Variants in MIDN observed in about 807,000 individuals in gnomAD.
MIDN encodes the protein midbrain nucleolar protein.
Under a neutral mutation model 46.1 loss-of-function variants are expected in MIDN, and 26 were observed. That is an observed-to-expected ratio of 0.56 (90% CI 0.41 to 0.78). The LOEUF (loss-of-function observed/expected upper bound fraction) is 0.78, where lower values mean the gene tolerates loss of function less well. MIDN is among the 30% of genes least tolerant of loss of function. The probability of loss-of-function intolerance (pLI) is 0.00; values close to 1 mark genes in which losing one functional copy is unlikely to be tolerated. For synonymous variants in MIDN, 432 were observed against 343.3 expected, an observed-to-expected ratio of 1.26 and a Z score of -2.86; for missense variants, 850 against 771.8, an observed-to-expected ratio of 1.10 and a Z score of -1.20.
chr19:1,251,316 G>T (rs2081124620), intron 2 of MIDN: 2 of 524,250 alleles, frequency 3.8e-6, no homozygotes, highest in Admixed American at 3.8e-5. Flanking sequence ...GTGCAGAGGG[G>T]GTGCCAGAGT....
chr19:1,250,266 G>C lies in MIDN; in HGVS notation c.-31G>C, dbSNP rs530020986. 1.1e-6 allele frequency: 1 copy of C among 894,064 alleles called. No homozygotes were observed. The highest frequency in any genetic ancestry group is 1.3e-6 in the Non-Finnish European group (1 of 747,262). 55.4% of individuals were successfully genotyped at this position (894,064 alleles called of 1,614,324 possible). On this transcript the variant is annotated 5_prime_UTR_variant, in exon 2 of 9. Coordinates refer to ENST00000682408, the MANE Select transcript of MIDN (RefSeq NM_001388306.1). ...GGCGCGGCGAGGATTGGCGGCGCCC[G>C]CCGCCCCCAGCCCCCCAGCGCGCGC...
chr19:1,250,577 CCGGGCG>C, intron 2 of MIDN, 48 bp downstream of exon 2: 4 of 1,043,196 alleles, frequency 3.8e-6, no homozygotes, highest in Non-Finnish European at 4.8e-6. Flanking sequence ...GCCCCGGCCC[CCGGGCG>C]GGAACAAAGA....
rs747187886 is a variant in MIDN at position 1,257,092 on chromosome 19, G to A, written c.1356G>A (p.Arg452=). 31 of 1,612,034 alleles carry A rather than the reference G, an allele frequency of 1.9e-5. No individual in the cohort carries two copies. In the East Asian group the frequency reaches 5.1e-4, roughly 27 times the overall value. ...LQQKRLRRKA[R]RDARGPYHWS... ...AGAAACGGCTCCGTAGAAAGGCCCGGCGGGACGCGCGGGGTCCGTACCACT... is the reference window on the plus strand; with the variant it reads ...AGAAACGGCTCCGTAGAAAGGCCCGACGGGACGCGCGGGGTCCGTACCACT... Residue 452 remains arginine, a synonymous_variant, in exon 9 of 9, where the codon CGG becomes CGA. Transcript: ENST00000682408.
At position 1,254,804 on chromosome 19, in the gene MIDN, A is replaced by ATG. The variant is rs2081177730; in HGVS notation, c.826-97_826-96insGT. 2.2e-6 allele frequency: 3 copies of ATG among 1,379,418 alleles called. No individual in the cohort carries two copies. The African/African-American group carries it at 4.3e-5, about 20-fold the overall frequency. The allele number at this position is 1,379,418 out of a possible 1,614,324, so 85.4% of individuals were successfully genotyped here. On this transcript the variant is annotated intron_variant, in intron 6 of 8. Transcript: ENST00000682408. ...TCTCTAAACCCTGTGTTGACAGGTC[A>ATG]TCTCCTGACCTGGGCTGGTGGGTGA...
chr19:1,255,783 C>G, intron 8 of MIDN, 89 bp downstream of exon 8: 1 of 1,285,444 alleles, frequency 7.8e-7, no homozygotes, highest in South Asian at 1.5e-5. Context: ...TCAGGAGCAG[C>G]TGACCTGCCC....
intron 1 of MIDN, among the ~76,000 whole-genome samples, chr19:1,249,133 G>C (rs1207158404): frequency 1.3e-5 from 2 of 150,660 alleles, no homozygotes; most frequent in South Asian, 2.1e-4. Flanking sequence ...GGCGCAGCCG[G>C]GGACGCCGCG....
chr19:1,250,939 G>C (rs1044094558), intron 2 of MIDN, among the ~76,000 whole-genome samples: 1 of 151,162 alleles, frequency 6.6e-6, no homozygotes, highest in Non-Finnish European at 1.5e-5. Context: ...TCTCGCCTCC[G>C]AGCGCTCCCC....
At chr19:1,252,824 G>A (rs1326287522) in intron 4 of MIDN, among the ~76,000 whole-genome samples, 12 of 152,012 alleles carry the variant, frequency 7.9e-5, no homozygotes, top group Admixed American at 7.9e-4. Context: ...CGGGAGCTGG[G>A]TGGTCTGCCA....
intron 6 of MIDN, 81 bp downstream of exon 6, chr19:1,254,559 G>A: frequency 2.1e-6 from 3 of 1,425,568 alleles, no homozygotes; most frequent in East Asian, 2.5e-5. Context: ...GGGAGGACAA[G>A]GACTCTTAGT....
intron 7 of MIDN, 116 bp from the exon 8 acceptor site, chr19:1,255,306 A>G (rs1457926585): frequency 7.4e-6 from 10 of 1,349,446 alleles, no homozygotes; most frequent in Non-Finnish European, 9.9e-6. Flanking sequence ...CCTCGTGCAC[A>G]TCAGCCCACA....
At position 1,257,261 on chromosome 19, in the gene MIDN, G is replaced by C. The variant is rs752687659; in HGVS notation, c.1525G>C (p.Val509Leu). ...CAACCCTGACATCAAGTCAGAGTTCGTGGTGGCTTAGGATCTTCGGATCGG... is the reference window on the plus strand; with the variant it reads ...CAACCCTGACATCAAGTCAGAGTTCCTGGTGGCTTAGGATCTTCGGATCGG... Reference protein sequence around the residue: ...EVNPDIKSEFVVA With the variant: ...EVNPDIKSEFLVA Residue 509 changes from valine to leucine, a missense_variant, in exon 9 of 9, where the codon GTG (valine) becomes CTG (leucine). Physicochemically the swap from Val to Leu is conservative, Grantham distance 32 (BLOSUM62 1). Transcript: ENST00000682408. 1.2e-6 allele frequency: 2 copies of C among 1,611,880 alleles called. No homozygotes were observed. Among genetic ancestry groups the C allele is most frequent in the African/African-American group, 1.3e-5 (1 of 74,894 alleles).
At chr19:1,253,219 G>T (rs2081154710) in intron 4 of MIDN, among the ~76,000 whole-genome samples, 1 of 151,850 alleles carries the variant, frequency 6.6e-6, no homozygotes. Flanking sequence ...GCTGTCTTGG[G>T]GCAGGGGGGT....
intron 3 of MIDN, 22 bp from the exon 4 acceptor site, chr19:1,251,817 C>T (rs762896495): frequency 3.7e-6 from 6 of 1,609,998 alleles, no homozygotes; most frequent in Admixed American, 3.3e-5. Context: ...CACTCAGGCC[C>T]CTCTCCTCCC....
chr19:1,254,358 C>T lies in MIDN; in HGVS notation c.705C>T (p.Cys235=), dbSNP rs751831100. 1.3e-6 allele frequency: 2 copies of T among 1,562,086 alleles called. No homozygotes were observed. Among genetic ancestry groups the T allele is most frequent in the African/African-American group, 1.4e-5 (1 of 73,990 alleles). Residue 235 remains cysteine (C), a synonymous_variant, in exon 6 of 9, where the codon TGC becomes TGT. Coordinates refer to ENST00000682408, the MANE Select transcript of MIDN (RefSeq NM_001388306.1). ...TAGCCTCCCCCGTGTCCTCGCCCTG[C>T]CGGCCGGTGTCCAGTGCCGCCCGAG... ...PSIASPVSSP[C]RPVSSAARVP...
Position 1,250,293 on chromosome 19 carries a change from G to T in MIDN, c.-4G>T. On this transcript the variant is annotated 5_prime_UTR_variant, in exon 2 of 9. Coordinates refer to ENST00000682408, the MANE Select transcript of MIDN (RefSeq NM_001388306.1). ...CGCCCCCAGCCCCCCAGCGCGCGCCGGGGATGGAGCCGCAGCCCGGCGGCG... is the reference window on the plus strand; with the variant it reads ...CGCCCCCAGCCCCCCAGCGCGCGCCTGGGATGGAGCCGCAGCCCGGCGGCG... 1.0e-6 allele frequency: 1 copy of T among 983,212 alleles called. No homozygotes were observed. Among genetic ancestry groups the T allele is most frequent in the Non-Finnish European group, 1.2e-6 (1 of 828,698 alleles). The allele number at this position is 983,212 out of a possible 1,614,324, so 60.9% of individuals were successfully genotyped here.
At chr19:1,255,386 C>G (rs977935950) in intron 7 of MIDN, 36 bp from the exon 8 acceptor site, 2 of 1,545,014 alleles carry the variant, frequency 1.3e-6, no homozygotes, top group African/African-American at 2.7e-5. Context: ...CGGGACTGTG[C>G]CCGTGCCGGG....
chr19:1,255,183 C>A, intron 7 of MIDN, 122 bp downstream of exon 7: 1 of 1,261,066 alleles, frequency 7.9e-7, no homozygotes, highest in South Asian at 1.4e-5. Flanking sequence ...TCCGTCTGCT[C>A]ACTTCACATG....
chr19:1,255,660 G>T lies in MIDN; in HGVS notation c.1224G>T (p.Gln408His). ...LTAAPSASLL[Q>H]GQSQIRMCKP... ...CTGCCCCCTCAGCCTCCCTGCTGCA[G>T]GGCCAGAGCCAGATCCGCATGTGCA... Residue 408 changes from glutamine (Q) to histidine (H), a missense_variant, in exon 8 of 9, where the codon CAG (glutamine) becomes CAT (histidine). Coordinates refer to ENST00000682408, the MANE Select transcript of MIDN (RefSeq NM_001388306.1). The T allele has an allele frequency of 6.2e-7, 1 of 1,600,764 alleles. No homozygotes were observed. Among genetic ancestry groups the T allele is most frequent in the Non-Finnish European group, 8.5e-7 (1 of 1,177,514 alleles).
chr19:1,256,996 G>A lies in MIDN; in HGVS notation c.1260G>A (p.Gly420=). The A allele has an allele frequency of 6.2e-7, 1 of 1,608,720 alleles. No homozygotes were observed. The highest frequency in any genetic ancestry group is 8.5e-7 in the Non-Finnish European group (1 of 1,179,814). ...CACAGGCCACTACCTCCTTTGCAGG[G>A]GACCGGCTTCGGCAGACAGAAAACC... ...QSQIRMCKPP[G]DRLRQTENRA... Residue 420 remains glycine (G), a splice_region_variant and synonymous_variant, in exon 9 of 9, where the codon GGG becomes GGA. Coordinates refer to ENST00000682408, the MANE Select transcript of MIDN (RefSeq NM_001388306.1).
Sources: allele counts gnomAD v4.1 joint callset (sites outside exome capture counted in the v4.1 genomes callset), GRCh38; gene constraint gnomAD v4.1.1; transcripts MANE v1.5; gene names NCBI Gene and HGNC (gene_info 2026-07-23, HGNC 2026-07-21).